Variants in UBOX5 observed in about 807,000 individuals in gnomAD.
UBOX5 encodes the protein U-box domain containing 5.
Under a neutral mutation model 39.0 loss-of-function variants are expected in UBOX5, and 28 were observed. That is an observed-to-expected ratio of 0.72 (90% CI 0.53 to 0.98). UBOX5 has a LOEUF of 0.98. Ranked by LOEUF, UBOX5 falls within the 50% of genes least tolerant of loss-of-function variation. The pLI is 0.00. For synonymous variants in UBOX5, 283 were observed against 275.5 expected, an observed-to-expected ratio of 1.03 and a Z score of -0.27; for missense variants, 585 against 674.4, an observed-to-expected ratio of 0.87 and a Z score of 1.47.
intron 4 of UBOX5, among the ~76,000 whole-genome samples, chr20:3,113,335 C>T (rs2066269250): frequency 6.7e-6 from 1 of 148,794 alleles, no homozygotes; most frequent in Admixed American, 6.7e-5. Context: ...TGAGAGTGGG[C>T]TTCAGATAAG....
intron 1 of UBOX5, chr20:3,147,807 C>T (rs1188822399): frequency 6.2e-7 from 1 of 1,614,198 alleles, no homozygotes; most frequent in Non-Finnish European, 8.5e-7. Flanking sequence ...CAGTGTGCCA[C>T]TCTAGGAGGC....
chr20:3,121,436 C>T lies in UBOX5; in HGVS notation c.1203G>A (p.Lys401=), dbSNP rs776983261. ...VLPTTSEHTA[K]KMKATNEPSL... ...TGGGCTCATTGGTGGCTTTCATTTT[C>T]TTAGCAGTGTGCTCTGAGGTAGTGG... The change falls in exon 3 of 5, where the codon AAG becomes AAA. Residue 401 remains lysine (K), a synonymous_variant. Coordinates refer to ENST00000217173, the MANE Select transcript of UBOX5 (RefSeq NM_014948.4). The T allele has an allele frequency of 6.2e-7, 1 of 1,614,014 alleles. No homozygotes were observed. Among genetic ancestry groups the T allele is most frequent in the Admixed American group, 1.7e-5 (1 of 60,004 alleles).
chr20:3,148,018 C>G lies in UBOX5; in HGVS notation c.-42+11748G>C, dbSNP rs376113303. On this transcript the variant is annotated intron_variant, in intron 1 of 4. Transcript: ENST00000217173. ...CAATATTCACTAAGGAGCGACTACT[C>G]AGATGCTGAATGTTAGCACAAGCCA... 8.1e-6 allele frequency: 13 copies of G among 1,614,054 alleles called. No individual in the cohort carries two copies. The African/African-American group carries it at 1.1e-4, about 13-fold the overall frequency.
rs748740074 is a variant in UBOX5 at position 3,121,686 on chromosome 20, G to T, written c.953C>A (p.Pro318His). ...TGVAFTPHSQPLPHPSLKARI... is the reference protein window; with the variant it reads ...TGVAFTPHSQHLPHPSLKARI... The stretch of plus-strand genomic sequence containing the variant: ...GGCCTTGAGGGAGGGGTGAGGCAGG[G>T]GCTGAGAGTGCGGAGTAAAAGCTAC... The change falls in exon 3 of 5, where the codon CCC (proline) becomes CAC (histidine). Residue 318 changes from proline to histidine, a missense_variant. Coordinates refer to ENST00000217173, the MANE Select transcript of UBOX5 (RefSeq NM_014948.4). The T allele has an allele frequency of 4.3e-6, 7 of 1,613,808 alleles. No individual in the cohort carries two copies. The highest frequency in any genetic ancestry group is 5.9e-6 in the Non-Finnish European group (7 of 1,180,002).
Position 3,121,749 on chromosome 20 carries a change from GC to G in UBOX5, c.889del (p.Ala297ProfsTer14). 1 of 1,614,100 alleles carries G rather than the reference GC, an allele frequency of 6.2e-7. No individual in the cohort carries two copies. Among genetic ancestry groups the G allele is most frequent in the Non-Finnish European group, 8.5e-7 (1 of 1,180,044 alleles). On this transcript the variant is annotated frameshift_variant, in exon 3 of 5. Transcript: ENST00000217173. LOFTEE classifies it high-confidence loss of function. ...GTCACTGGGCACTCGGCCCCATGTG[GC>G]TTCACTGCGGTTACACTTCTCCAGT... ...STLEKCNRSE[A>X]TWGRVPSDPF...
chr20:3,115,480 C>A lies in UBOX5; in HGVS notation c.1256-14G>T, dbSNP rs201387880. ...GGGACAGTGGACCTGTCGAGAGATG[C>A]GCACAGCACAACATCCAGAGACAGG... On this transcript the variant is annotated splice_polypyrimidine_tract_variant and intron_variant, in intron 3 of 4. Transcript: ENST00000217173. 6.2e-7 allele frequency: 1 copy of A among 1,603,520 alleles called. No homozygotes were observed.
At chr20:3,152,572 AG>A (rs2066641976) in intron 1 of UBOX5, among the ~76,000 whole-genome samples, 1 of 152,126 alleles carries the variant, frequency 6.6e-6, no homozygotes, top group Admixed American at 6.6e-5. Flanking sequence ...GTGCAACTAA[AG>A]CCATATACTG....
At chr20:3,158,846 G>C (rs1384142880) in intron 1 of UBOX5, among the ~76,000 whole-genome samples, 1 of 152,242 alleles carries the variant, frequency 6.6e-6, no homozygotes, top group Non-Finnish European at 1.5e-5. Flanking sequence ...AGGTCAGTGA[G>C]CTACAGAATC....
Position 3,140,934 on chromosome 20 carries a change from T to TTTTTTG in UBOX5, c.-41-17529_-41-17528insCAAAAA, listed in dbSNP as rs1743722632. 3.3e-5 allele frequency among the ~76,000 whole-genome samples: 5 copies of TTTTTTG among 150,536 alleles called. No homozygotes were observed. The South Asian group carries it at 1.1e-3, about 32-fold the overall frequency. ...TTGCCAGATTTTTTTTTTTTTTTTTTTTTAGACTGAGTCTCACTCTGTCAC... is the reference window on the plus strand; with the variant it reads ...TTGCCAGATTTTTTTTTTTTTTTTTTTTTTTGTTTAGACTGAGTCTCACTCTGTCAC... On this transcript the variant is annotated intron_variant, in intron 1 of 4. Coordinates refer to ENST00000217173, the MANE Select transcript of UBOX5 (RefSeq NM_014948.4).
chr20:3,137,367 G>A (rs182244030), intron 1 of UBOX5, among the ~76,000 whole-genome samples: 48 of 152,168 alleles, frequency 3.2e-4, no homozygotes, highest in Non-Finnish European at 2.9e-4. Context: ...TGCAACCTCC[G>A]CCTCCTGGGT....
chr20:3,150,294 C>T (rs377380257), intron 1 of UBOX5, among the ~76,000 whole-genome samples: 9 of 152,052 alleles, frequency 5.9e-5, no homozygotes, highest in East Asian at 5.8e-4. Context: ...TGTCACTTCA[C>T]GGGTGGGAAG....
chr20:3,124,404 C>T (rs141439862), intron 1 of UBOX5, among the ~76,000 whole-genome samples: 1,631 of 152,268 alleles, frequency 0.011, 39 homozygotes, highest in African/African-American at 0.036. Flanking sequence ...GGATTGCAGA[C>T]GGAGTCTCGT....
rs2066241697 is a variant in UBOX5 at position 3,110,135 on chromosome 20, T to C, written c.1597A>G (p.Ser533Gly). The C allele has an allele frequency of 1.2e-6, 2 of 1,612,512 alleles. No homozygotes were observed. Among genetic ancestry groups the C allele is most frequent in the Non-Finnish European group, 1.7e-6 (2 of 1,180,002 alleles). ...TCTACQRPVA[S>G]QDVLRVHF Reference sequence around the variant, plus strand: ...AAGTGGACCCGCAGCACGTCTTGGCTAGCAACCGGCCGCTGGCAGGCTGTG... The same window carrying C: ...AAGTGGACCCGCAGCACGTCTTGGCCAGCAACCGGCCGCTGGCAGGCTGTG... Residue 533 changes from serine to glycine, a missense_variant, in exon 5 of 5, where the codon AGC becomes GGC. Coordinates refer to ENST00000217173, the MANE Select transcript of UBOX5 (RefSeq NM_014948.4).
intron 1 of UBOX5, among the ~76,000 whole-genome samples, chr20:3,130,360 G>A (rs1240541633): frequency 1.4e-5 from 2 of 146,808 alleles, no homozygotes; most frequent in African/African-American, 5.1e-5. Flanking sequence ...TTAAAGACAG[G>A]GTCTCACTAT....
At chr20:3,110,596 T>C (rs748896640) in intron 4 of UBOX5, 26 of 464,848 alleles carry the variant, frequency 5.6e-5, no homozygotes, top group Non-Finnish European at 6.7e-5. Context: ...CCCTTCCTCC[T>C]GGTCTCCCAG....
At chr20:3,150,324 G>T (rs2066611760) in intron 1 of UBOX5, among the ~76,000 whole-genome samples, 1 of 152,112 alleles carries the variant, frequency 6.6e-6, no homozygotes, top group South Asian at 2.1e-4. Flanking sequence ...CCCCAAAGCT[G>T]GGCTCAGGGT....
chr20:3,132,007 C>CAAAA (rs35711232), intron 1 of UBOX5, among the ~76,000 whole-genome samples: 2 of 52,134 alleles, frequency 3.8e-5, no homozygotes, highest in African/African-American at 8.1e-5. Flanking sequence ...GACACTGTCT[C>CAAAA]AAAAAAAAAA....
chr20:3,120,601 A>G (rs958123420), intron 3 of UBOX5, among the ~76,000 whole-genome samples: 18 of 151,050 alleles, frequency 1.2e-4, no homozygotes, highest in South Asian at 2.1e-4. Flanking sequence ...AGCCGAGATC[A>G]TGCCACCGCA....
chr20:3,123,875 A>G (rs1022972307), intron 1 of UBOX5, among the ~76,000 whole-genome samples: 4 of 152,364 alleles, frequency 2.6e-5, no homozygotes, highest in Admixed American at 6.5e-5. Context: ...AGTCAAAAAC[A>G]TCATTATTGA....
Sources: gnomAD v4.1 joint callset for allele counts (sites outside exome capture counted in the v4.1 genomes callset) on GRCh38, gnomAD v4.1.1 for gene constraint, MANE v1.5 for transcripts, NCBI Gene and HGNC (gene_info 2026-07-23, HGNC 2026-07-21) for gene names.